Variants in ZNF804B observed in about 807,000 individuals in gnomAD.
The protein encoded by ZNF804B is zinc finger protein 804B, also known as zinc finger 804B.
A neutral mutation model predicts 101.4 loss-of-function variants in ZNF804B; 80 were observed. The ratio of observed to expected loss-of-function variants is 0.79; its 90% CI spans 0.66 to 0.95. The LOEUF (loss-of-function observed/expected upper bound fraction) is 0.95. ZNF804B is among the 40% of genes least tolerant of loss of function. The pLI is 0.00. For synonymous variants in ZNF804B, 622 were observed against 558.8 expected, an observed-to-expected ratio of 1.11 and a Z score of -1.59; for missense variants, 1,673 against 1,561.9, an observed-to-expected ratio of 1.07 and a Z score of -1.20.
At chr7:89,282,788 T>C (rs1451192958) in intron 2 of ZNF804B, among the ~76,000 whole-genome samples, 6 of 152,182 alleles carry the variant, frequency 3.9e-5, no homozygotes, top group African/African-American at 1.4e-4. Flanking sequence ...ACTGGAGTGA[T>C]GCAGTCACAA....
At chr7:89,282,824 A>T (rs940651265) in intron 2 of ZNF804B, among the ~76,000 whole-genome samples, 1 of 152,192 alleles carries the variant, frequency 6.6e-6, no homozygotes, top group African/African-American at 2.4e-5. Context: ...CAGCCACCAG[A>T]ACCTCTAAGA....
intron 1 of ZNF804B, among the ~76,000 whole-genome samples, chr7:89,138,753 T>C (rs1396653734): frequency 1.3e-5 from 2 of 152,088 alleles, no homozygotes; most frequent in African/African-American, 4.8e-5. Context: ...CTTGTGATAG[T>C]GAATAAGTCT....
intron 1 of ZNF804B, among the ~76,000 whole-genome samples, chr7:88,865,224 G>T (rs1456863311): frequency 9.2e-5 from 9 of 98,080 alleles, no homozygotes; most frequent in Non-Finnish European, 1.6e-4. Flanking sequence ...GCAAGACTTC[G>T]TATCAAAAAA....
At chr7:89,127,831 G>C (rs1790495863) in intron 1 of ZNF804B, among the ~76,000 whole-genome samples, 2 of 151,536 alleles carry the variant, frequency 1.3e-5, no homozygotes, top group Admixed American at 6.6e-5. Flanking sequence ...AATACTTTCT[G>C]ATGATAAATT....
intron 1 of ZNF804B, among the ~76,000 whole-genome samples, chr7:89,015,144 G>A (rs770278118): frequency 1.3e-5 from 2 of 152,068 alleles, no homozygotes; most frequent in Non-Finnish European, 2.9e-5. Flanking sequence ...TTTGTCAAAA[G>A]TTAGTTGGCT....
At chr7:88,915,528 A>C (rs1792618698) in intron 1 of ZNF804B, among the ~76,000 whole-genome samples, 1 of 152,012 alleles carries the variant, frequency 6.6e-6, no homozygotes, top group Admixed American at 6.6e-5. Context: ...TTAATGGAAA[A>C]AAATATATTA....
intron 1 of ZNF804B, among the ~76,000 whole-genome samples, chr7:89,208,042 G>A (rs1788740984): frequency 6.7e-6 from 1 of 148,950 alleles, no homozygotes; most frequent in South Asian, 2.1e-4. Flanking sequence ...GTCAGCAAAA[G>A]TTCATTGGTT....
chr7:88,808,591 G>T (rs1790728319), intron 1 of ZNF804B, among the ~76,000 whole-genome samples: 1 of 152,070 alleles, frequency 6.6e-6, no homozygotes, highest in African/African-American at 2.4e-5. Context: ...TATGTCTCAA[G>T]AATATATGTG....
At chr7:88,999,369 G>A (rs947938264) in intron 1 of ZNF804B, among the ~76,000 whole-genome samples, 3 of 151,976 alleles carry the variant, frequency 2.0e-5, no homozygotes, top group African/African-American at 7.2e-5. Flanking sequence ...GTTAAAACTT[G>A]ACAAGAATTA....
intron 1 of ZNF804B, among the ~76,000 whole-genome samples, chr7:88,954,621 A>G (rs1317237993): frequency 1.3e-5 from 2 of 151,602 alleles, no homozygotes; most frequent in Non-Finnish European, 3.0e-5. Context: ...AAAAATATCA[A>G]TCACATTGTA....
intron 1 of ZNF804B, among the ~76,000 whole-genome samples, chr7:89,118,674 A>G (rs1044930546): frequency 1.3e-5 from 2 of 152,142 alleles, no homozygotes; most frequent in African/African-American, 4.8e-5. Context: ...TTCCATTCCA[A>G]AGCACACTAA....
chr7:88,931,648 A>G (rs1352021731), intron 1 of ZNF804B, among the ~76,000 whole-genome samples: 1 of 151,940 alleles, frequency 6.6e-6, no homozygotes, highest in East Asian at 1.9e-4. Flanking sequence ...TTGTGTTATC[A>G]TCTGATTATC....
intron 1 of ZNF804B, among the ~76,000 whole-genome samples, chr7:88,807,180 C>A (rs1158202153): frequency 6.6e-6 from 1 of 152,140 alleles, no homozygotes; most frequent in East Asian, 1.9e-4. Flanking sequence ...CCATGCTCTG[C>A]AAACTTTTAA....
intron 1 of ZNF804B, among the ~76,000 whole-genome samples, chr7:89,071,824 A>G (rs1165128078): frequency 6.6e-6 from 1 of 151,712 alleles, no homozygotes; most frequent in Non-Finnish European, 1.5e-5. Context: ...TCTTCCAAAA[A>G]CATAACATGG....
At chr7:88,870,869 T>C (rs1005721734) in intron 1 of ZNF804B, among the ~76,000 whole-genome samples, 5 of 152,200 alleles carry the variant, frequency 3.3e-5, no homozygotes, top group South Asian at 2.1e-4. Context: ...CTCTATTTAC[T>C]TGGAACACTT....
At chr7:88,967,878 A>G (rs1444770203) in intron 1 of ZNF804B, among the ~76,000 whole-genome samples, 1 of 151,512 alleles carries the variant, frequency 6.6e-6, no homozygotes, top group Non-Finnish European at 1.5e-5. Flanking sequence ...CAGTAACTTC[A>G]TTAGAGTTAA....
At chr7:89,288,642 C>T (rs570936472) in intron 2 of ZNF804B, among the ~76,000 whole-genome samples, 1 of 152,226 alleles carries the variant, frequency 6.6e-6, no homozygotes, top group South Asian at 2.1e-4. Flanking sequence ...ATTTGACACT[C>T]AGATGAATCC....
chr7:88,843,223 A>G (rs1028165578), intron 1 of ZNF804B, among the ~76,000 whole-genome samples: 2 of 152,126 alleles, frequency 1.3e-5, no homozygotes, highest in African/African-American at 4.8e-5. Context: ...TTATTGTTGA[A>G]TTCTAGCACT....
rs533327643 is a variant in ZNF804B at position 88,929,800 on chromosome 7, A to C, written c.108+169716A>C. Among the ~76,000 whole-genome samples the C allele has an allele frequency of 1.2e-3, 187 of 152,122 alleles. 1 individual carries two copies. Among genetic ancestry groups the C allele is most frequent in the South Asian group, 0.01 (50 of 4,828 alleles). On this transcript the variant is annotated intron_variant, in intron 1 of 3. Coordinates refer to ENST00000333190, the MANE Select transcript of ZNF804B (RefSeq NM_181646.5). The stretch of plus-strand genomic sequence containing the variant: ...TTTAAAAATACGTTTAAGGTATTAC[A>C]ATTTTGTGATGTCTTTTCACAGAGA...
Sources: gnomAD v4.1 joint callset for allele counts (sites outside exome capture counted in the v4.1 genomes callset) on GRCh38, gnomAD v4.1.1 for gene constraint, MANE v1.5 for transcripts, NCBI Gene and HGNC (gene_info 2026-07-23, HGNC 2026-07-21) for gene names.